SCML4: variants seen among roughly 807,000 people sequenced by gnomAD.
SCML4 encodes sex comb on midleg-like protein 4.
SCML4 carries 34 observed loss-of-function variants against 41.1 expected under a neutral mutation model. The observed-to-expected ratio is 0.83, with a 90% CI of 0.63 to 1.10. The LOEUF (loss-of-function observed/expected upper bound fraction) is 1.10, where lower values mean the gene tolerates loss of function less well. Ranked by LOEUF, SCML4 falls within the 50% of genes least tolerant of loss-of-function variation. SCML4 has a pLI of 0.00. For synonymous variants in SCML4, 214 were observed against 220.9 expected (o/e 0.97, Z 0.28); for missense variants, 522 against 534.1 (o/e 0.98, Z 0.22).
At chr6:107,730,052 TC>T (rs199751871) in intron 5 of SCML4, among the ~76,000 whole-genome samples, 2,444 of 152,308 alleles carry the variant, frequency 0.016, 72 homozygotes, top group African/African-American at 0.056. Context: ...TTAGGTCACC[TC>T]AACATCCAAC....
upstream of SCML4, among the ~76,000 whole-genome samples, chr6:107,828,976 T>G (rs1300547294): frequency 1.3e-5 from 2 of 152,200 alleles, no homozygotes; most frequent in East Asian, 3.8e-4. Context: ...AAGGTTGTCA[T>G]AGAAGAACAC....
intron 2 of SCML4, among the ~76,000 whole-genome samples, chr6:107,760,888 T>TA (rs202062823): frequency 1.5e-5 from 1 of 67,216 alleles, no homozygotes; most frequent in Non-Finnish European, 4.2e-5. Flanking sequence ...AAAAATGATT[T>TA]AAAAAACACA....
At chr6:107,785,620 C>G (rs1781828735) in intron 1 of SCML4, among the ~76,000 whole-genome samples, 1 of 152,188 alleles carries the variant, frequency 6.6e-6, no homozygotes. Flanking sequence ...CGTGGTCCAG[C>G]CTTGCCTATG....
intron 2 of SCML4, among the ~76,000 whole-genome samples, chr6:107,758,738 C>T (rs1184219566): frequency 1.3e-5 from 2 of 152,036 alleles, no homozygotes; most frequent in East Asian, 3.9e-4. Flanking sequence ...TAGGAAGAGG[C>T]AAGAAAGGAC....
intron 1 of SCML4, among the ~76,000 whole-genome samples, chr6:107,789,717 C>T (rs1342326100): frequency 6.6e-6 from 1 of 152,208 alleles, no homozygotes; most frequent in African/African-American, 2.4e-5. Context: ...AGTCCTCCTT[C>T]CCTCAGAGCA....
chr6:107,754,716 C>T (rs1051142531), intron 2 of SCML4, among the ~76,000 whole-genome samples: 6 of 152,100 alleles, frequency 3.9e-5, no homozygotes, highest in African/African-American at 9.7e-5. Flanking sequence ...AGAAAAATGA[C>T]GATGATGATG....
chr6:107,762,065 T>A (rs1779644682), intron 2 of SCML4, among the ~76,000 whole-genome samples: 1 of 151,774 alleles, frequency 6.6e-6, no homozygotes, highest in Non-Finnish European at 1.5e-5. Context: ...AAAGAAAAAA[T>A]TAAAATGCAT....
chr6:107,755,681 AGCTGTCTATTTTGTTTTTT>A, intron 2 of SCML4: 3 of 1,110,244 alleles, frequency 2.7e-6, no homozygotes, highest in Non-Finnish European at 2.4e-6. Flanking sequence ...AAAAAAAAAA[AGCTGTCTATTTTGTTTTTT>A]AAATGGACAA....
At chr6:107,758,853 T>C (rs990245706) in intron 2 of SCML4, among the ~76,000 whole-genome samples, 86 of 152,326 alleles carry the variant, frequency 5.6e-4, no homozygotes, top group African/African-American at 2.0e-3. Flanking sequence ...GGTAGTTCTT[T>C]GTTACAGCAG....
chr6:107,837,951 A>G, the SCML4 span, among the ~76,000 whole-genome samples: 1 of 129,386 alleles, frequency 7.7e-6, no homozygotes, highest in East Asian at 2.2e-4. Flanking sequence ...TCTGTCGCCC[A>G]GGTTGGAGTG....
chr6:107,788,011 G>T (rs896484201), intron 1 of SCML4, among the ~76,000 whole-genome samples: 1 of 152,164 alleles, frequency 6.6e-6, no homozygotes, highest in Non-Finnish European at 1.5e-5. Flanking sequence ...CGGACCCAGG[G>T]AACAATCAGC....
chr6:107,845,827 A>G, the SCML4 span, among the ~76,000 whole-genome samples: 3 of 152,376 alleles, frequency 2.0e-5, no homozygotes, highest in Non-Finnish European at 2.9e-5. Flanking sequence ...TTTACCTCGT[A>G]TCTTCCAGAT....
intron 2 of SCML4, chr6:107,755,581 T>G: frequency 7.5e-7 from 1 of 1,337,344 alleles, no homozygotes; most frequent in South Asian, 1.2e-5. Context: ...CTCTCTCCAG[T>G]GGAATGGGGG....
chr6:107,827,467 A>G (rs906114812), upstream of SCML4, among the ~76,000 whole-genome samples: 3 of 151,886 alleles, frequency 2.0e-5, no homozygotes, highest in African/African-American at 7.3e-5. Context: ...AATAACTTAA[A>G]TCAATATTTT....
chr6:107,735,491 G>A (rs952810799), intron 5 of SCML4, among the ~76,000 whole-genome samples: 16 of 151,642 alleles, frequency 1.1e-4, no homozygotes, highest in Non-Finnish European at 1.6e-4. Context: ...TTTTATTGTG[G>A]TAAAACACAT....
At chr6:107,822,857 G>A (rs1402769291) in intron 1 of SCML4, among the ~76,000 whole-genome samples, 3 of 152,046 alleles carry the variant, frequency 2.0e-5, no homozygotes, top group African/African-American at 7.2e-5. Context: ...TCACCCAGCT[G>A]CTGTTGCTCA....
At chr6:107,773,001 C>T (rs987534967) in intron 1 of SCML4, among the ~76,000 whole-genome samples, 1 of 152,010 alleles carries the variant, frequency 6.6e-6, no homozygotes, top group Admixed American at 6.6e-5. Flanking sequence ...ATGCGTGCAA[C>T]CCAAATAATA....
At chr6:107,811,212 G>A (rs1295353638) in intron 1 of SCML4, among the ~76,000 whole-genome samples, 1 of 152,164 alleles carries the variant, frequency 6.6e-6, no homozygotes, top group Admixed American at 6.5e-5. Flanking sequence ...AAGCCACCCA[G>A]TCTGCAGGAT....
Position 107,730,648 on chromosome 6 carries a change from C to T in SCML4, c.683-9655G>A, listed in dbSNP as rs142398097. 3.9e-5 allele frequency among the ~76,000 whole-genome samples: 6 copies of T among 152,336 alleles called. No homozygotes were observed. In the South Asian group the frequency reaches 8.3e-4, roughly 21 times the overall value. On this transcript the variant is annotated intron_variant, in intron 5 of 7. Coordinates refer to ENST00000369020, the MANE Select transcript of SCML4 (RefSeq NM_198081.5). Reference sequence around the variant, plus strand: ...GCTTAAATAGAAAGGAAAACACACACGTGGCCCCATCAAAGAAATCTGCCA... The same window carrying T: ...GCTTAAATAGAAAGGAAAACACACATGTGGCCCCATCAAAGAAATCTGCCA...
Sources: gnomAD v4.1 joint callset for allele counts (sites outside exome capture counted in the v4.1 genomes callset) on GRCh38, gnomAD v4.1.1 for gene constraint, MANE v1.5 for transcripts, NCBI Gene and HGNC (gene_info 2026-07-23, HGNC 2026-07-21) for gene names.